Variants in CERT1 observed in about 807,000 individuals in gnomAD.
CERT1 encodes the protein ceramide transporter 1.
In CERT1, 31 loss-of-function variants were observed where a neutral mutation model predicts 87.9. That is an observed-to-expected ratio of 0.35 (90% confidence interval 0.27 to 0.48). The LOEUF (loss-of-function observed/expected upper bound fraction) is 0.48. Among genes scored for constraint, CERT1 ranks in the 20% least tolerant of loss-of-function variants. The pLI is 0.99. For synonymous variants in CERT1, 289 were observed against 250.9 expected, an observed-to-expected ratio of 1.15 and a Z score of -1.44; for missense variants, 487 against 758.0, an observed-to-expected ratio of 0.64 and a Z score of 4.20.
In CERT1 at chr5:75,383,127, T is replaced by C. The variant is rs534249273; in HGVS notation, c.1489-1050A>G. Among the ~76,000 whole-genome samples, 35 of 152,196 alleles carry C rather than the reference T, an allele frequency of 2.3e-4. 1 individual carries two copies. The highest frequency in any genetic ancestry group is 2.1e-3 in the East Asian group (11 of 5,190). ...GAGGGAATGGGGAGTTGTTGCTTAA[T>C]GAGTACGGAGTTTCTGTTTGGGGTG... On this transcript the variant is annotated intron_variant, in intron 14 of 16. Transcript: ENST00000643780.
At chr5:75,485,632 A>G (rs1043299157) in intron 2 of CERT1, among the ~76,000 whole-genome samples, 1 of 152,020 alleles carries the variant, frequency 6.6e-6, no homozygotes, top group East Asian at 1.9e-4. Flanking sequence ...ACCTAAGAAA[A>G]AGAGAGAAGA....
chr5:75,487,678 T>C (rs1236782692), intron 2 of CERT1, among the ~76,000 whole-genome samples: 2 of 152,016 alleles, frequency 1.3e-5, no homozygotes, highest in African/African-American at 2.4e-5. Flanking sequence ...TGAATAGACA[T>C]TACTCAAAAG....
chr5:75,413,296 A>G (rs1341633711), intron 7 of CERT1, among the ~76,000 whole-genome samples: 1 of 152,222 alleles, frequency 6.6e-6, no homozygotes, highest in Non-Finnish European at 1.5e-5. Context: ...CTTAATGGCT[A>G]AAGTCTAAAC....
chr5:75,405,016 A>AAACAAC (rs61610976), intron 8 of CERT1, among the ~76,000 whole-genome samples: 38 of 151,856 alleles, frequency 2.5e-4, no homozygotes, highest in Non-Finnish European at 3.5e-4. Context: ...ACTCAGTCTC[A>AAACAAC]AACAACAACA....
intron 3 of CERT1, among the ~76,000 whole-genome samples, chr5:75,450,025 A>G: frequency 6.6e-6 from 1 of 152,158 alleles, no homozygotes; most frequent in East Asian, 1.9e-4. Flanking sequence ...TCAGTGTACA[A>G]TCTTCCCAAT....
intron 3 of CERT1, among the ~76,000 whole-genome samples, chr5:75,436,928 C>A: frequency 6.6e-6 from 1 of 152,092 alleles, no homozygotes. Flanking sequence ...TGGCATGCAG[C>A]AAAGATGCCC....
intron 3 of CERT1, among the ~76,000 whole-genome samples, chr5:75,447,629 C>A (rs1440213688): frequency 6.6e-6 from 1 of 151,840 alleles, no homozygotes; most frequent in African/African-American, 2.4e-5. Flanking sequence ...CACCACCACG[C>A]CCAGCTAATC....
At chr5:75,383,442 G>T (rs1761665288) in intron 14 of CERT1, among the ~76,000 whole-genome samples, 1 of 151,872 alleles carries the variant, frequency 6.6e-6, no homozygotes, top group Non-Finnish European at 1.5e-5. Context: ...AGGTTCTTTT[G>T]GTTCTAAATT....
intron 2 of CERT1, among the ~76,000 whole-genome samples, chr5:75,503,047 A>G (rs927232103): frequency 3.9e-5 from 6 of 152,066 alleles, no homozygotes; most frequent in African/African-American, 1.2e-4. Context: ...AATTCTCTCA[A>G]GACATACTTT....
chr5:75,441,209 T>C (rs1269434704), intron 3 of CERT1, among the ~76,000 whole-genome samples: 1 of 152,190 alleles, frequency 6.6e-6, no homozygotes, highest in Non-Finnish European at 1.5e-5. Context: ...ATAATTACTA[T>C]TGTGTCACAA....
At chr5:75,428,572 G>C (rs566004155) in intron 3 of CERT1, among the ~76,000 whole-genome samples, 1 of 152,048 alleles carries the variant, frequency 6.6e-6, no homozygotes, top group African/African-American at 2.4e-5. Context: ...CAGCTACTCG[G>C]GAGGCTGAGG....
intron 2 of CERT1, among the ~76,000 whole-genome samples, chr5:75,471,241 C>T (rs1328877375): frequency 2.0e-5 from 3 of 152,302 alleles, no homozygotes; most frequent in East Asian, 3.9e-4. Flanking sequence ...ACTACTCCTA[C>T]TACTCACCTA....
chr5:75,421,155 A>C (rs770444171), intron 5 of CERT1, among the ~76,000 whole-genome samples: 20 of 152,224 alleles, frequency 1.3e-4, no homozygotes, highest in Non-Finnish European at 2.8e-4. Flanking sequence ...TAAAGAAGGA[A>C]TCTACATTTT....
chr5:75,427,043 G>C (rs1166314542), intron 3 of CERT1, among the ~76,000 whole-genome samples: 1 of 152,126 alleles, frequency 6.6e-6, no homozygotes, highest in Non-Finnish European at 1.5e-5. Context: ...GAAGCAGCTT[G>C]TATCTTTTAA....
chr5:75,457,587 A>G (rs1765038640), intron 3 of CERT1, among the ~76,000 whole-genome samples: 1 of 152,152 alleles, frequency 6.6e-6, no homozygotes, highest in African/African-American at 2.4e-5. Flanking sequence ...TAAAGTTTAA[A>G]TATATAGTCC....
chr5:75,400,848 T>C (rs181571205), intron 9 of CERT1: 1 of 151,870 alleles, frequency 6.6e-6, no homozygotes, highest in African/African-American at 2.4e-5. Context: ...TCTTCCTCTT[T>C]AGTTTGCCTC....
intron 3 of CERT1, among the ~76,000 whole-genome samples, chr5:75,438,089 A>G (rs1580771173): frequency 6.6e-6 from 1 of 152,164 alleles, no homozygotes; most frequent in Non-Finnish European, 1.5e-5. Context: ...GTGATTTTAG[A>G]ATAAAAATTA....
intron 2 of CERT1, among the ~76,000 whole-genome samples, chr5:75,498,414 G>GA (rs1357919034): frequency 6.6e-6 from 1 of 152,168 alleles, no homozygotes; most frequent in East Asian, 1.9e-4. Context: ...GCCTAGGAGG[G>GA]AAAAATGGGT....
At chr5:75,431,746 T>C (rs1763875635) in intron 3 of CERT1, among the ~76,000 whole-genome samples, 1 of 152,236 alleles carries the variant, frequency 6.6e-6, no homozygotes, top group South Asian at 2.1e-4. Context: ...GGACATGATC[T>C]CACTCCTTTT....
Sources: gnomAD v4.1 joint callset for allele counts (sites outside exome capture counted in the v4.1 genomes callset) on GRCh38, gnomAD v4.1.1 for gene constraint, MANE v1.5 for transcripts, NCBI Gene and HGNC (gene_info 2026-07-23, HGNC 2026-07-21) for gene names.